The following ZSCAN32 variants were observed in gnomAD, a reference collection of about 807,000 sequenced individuals.
ZSCAN32 encodes zinc finger and SCAN domain-containing protein 32.
A neutral mutation model predicts 47.4 loss-of-function variants in ZSCAN32; 52 were observed. That is an observed-to-expected ratio of 1.10 (90% confidence interval 0.88 to 1.38). The LOEUF (loss-of-function observed/expected upper bound fraction) is 1.38. ZSCAN32 is among the 40% of genes most tolerant of loss of function. ZSCAN32 has a pLI of 0.00. For missense variants in ZSCAN32, 959 were observed against 846.0 expected (o/e 1.13, Z -1.66); for synonymous variants, 346 against 305.7 (o/e 1.13, Z -1.38).
intron 2 of ZSCAN32, 33 bp downstream of exon 2, chr16:3,397,159 C>G (rs1276454227): frequency 6.8e-7 from 1 of 1,479,358 alleles, no homozygotes; most frequent in East Asian, 2.5e-5. Context: ...ACTTCATAAC[C>G]AAAACCACAA....
At position 3,383,177 on chromosome 16, in the gene ZSCAN32, G is replaced by C; in HGVS notation, c.1769C>G (p.Ser590Cys). ...GQCGKSFNQSSSLIVHQRTHT... is the reference protein window; with the variant it reads ...GQCGKSFNQSCSLIVHQRTHT... ...GGTCCTCTGGTGGACAATGAGGCTG[G>C]AACTCTGGTTGAAGCTTTTCCCACA... is the stretch of plus-strand genomic sequence containing the variant. The change falls in exon 7 of 7, where the codon TCC becomes TGC. Residue 590 changes from serine (S) to cysteine (C), a missense_variant. By Grantham distance (112) the Ser-to-Cys change is moderately radical. Transcript: ENST00000396852. The C allele has an allele frequency of 6.2e-7, 1 of 1,614,154 alleles. No homozygotes were observed. The highest frequency in any genetic ancestry group is 1.6e-4 in the Middle Eastern group (1 of 6,062).
In ZSCAN32 at chr16:3,384,886, A is replaced by T. The variant is rs150775538; in HGVS notation, c.807T>A (p.Ser269Arg). Residue 269 changes from serine to arginine, a missense_variant, in exon 6 of 7, where the codon AGT becomes AGA. Coordinates refer to ENST00000396852, the MANE Select transcript of ZSCAN32 (RefSeq NM_001284527.2). ...EETKTLLAIL[S>R]SSQFYGKLQT... is the part of the protein sequence containing the mutation. ...GGAGTTTTCCATAAAATTGAGAACTACTAAGAATAGCCAGGAGCGTCTTGG... is the reference window on the plus strand; with the variant it reads ...GGAGTTTTCCATAAAATTGAGAACTTCTAAGAATAGCCAGGAGCGTCTTGG... 3.6e-4 allele frequency: 583 copies of T among 1,614,198 alleles called. No homozygotes were observed. The highest frequency in any genetic ancestry group is 4.7e-4 in the Non-Finnish European group (551 of 1,180,036).
In ZSCAN32 at chr16:3,397,239, C is replaced by T; in HGVS notation, c.319G>A (p.Glu107Lys). The change falls in exon 2 of 7, where the codon GAA becomes AAA. Residue 107 changes from glutamate (E) to lysine (K), a missense_variant. Glu to Lys is a moderately conservative substitution (Grantham distance 56). Transcript: ENST00000396852. ...ACATCCTCAACCAGAGCCACAGCTT[C>T]CTCGCCGTTTTCTGGATGCTGCTCC... ...VREQHPENGE[E>K]AVALVEDVQR... 6.4e-7 allele frequency: 1 copy of T among 1,560,240 alleles called. No individual in the cohort carries two copies. Among genetic ancestry groups the T allele is most frequent in the Non-Finnish European group, 8.7e-7 (1 of 1,152,328 alleles).
chr16:3,383,175 T>C lies in ZSCAN32; in HGVS notation c.1771A>G (p.Ser591Gly). ...TGGGTCCTCTGGTGGACAATGAGGCTGGAACTCTGGTTGAAGCTTTTCCCA... is the reference window on the plus strand; with the variant it reads ...TGGGTCCTCTGGTGGACAATGAGGCCGGAACTCTGGTTGAAGCTTTTCCCA... ...QCGKSFNQSS[S>G]LIVHQRTHTG... Residue 591 changes from serine to glycine, a missense_variant, in exon 7 of 7, where the codon AGC becomes GGC. Ser to Gly is a moderately conservative substitution (Grantham distance 56, BLOSUM62 0). Coordinates refer to ENST00000396852, the MANE Select transcript of ZSCAN32 (RefSeq NM_001284527.2). 1.9e-6 allele frequency: 3 copies of C among 1,614,170 alleles called. No homozygotes were observed. Among genetic ancestry groups the C allele is most frequent in the Non-Finnish European group, 2.5e-6 (3 of 1,180,024 alleles).
Position 3,382,544 on chromosome 16 carries a change from C to T in ZSCAN32, c.*308G>A, listed in dbSNP as rs2031342673. 4.2e-6 allele frequency: 1 copy of T among 236,792 alleles called. No homozygotes were observed. The highest frequency in any genetic ancestry group is 8.1e-6 in the Non-Finnish European group (1 of 122,836). 14.7% of individuals were successfully genotyped at this position (236,792 alleles called of 1,614,324 possible). A position where few individuals can be genotyped will look rare whatever the true frequency, so the allele number is the denominator to read the frequency against. ...GGACTATGTTAGCCCAGAAAGTGTTCTTGGACCACTGGGTGCCCATTCTCA... is the reference window on the plus strand; with the variant it reads ...GGACTATGTTAGCCCAGAAAGTGTTTTTGGACCACTGGGTGCCCATTCTCA... On this transcript the variant is annotated 3_prime_UTR_variant, in exon 7 of 7. Coordinates refer to ENST00000396852, the MANE Select transcript of ZSCAN32 (RefSeq NM_001284527.2).
rs1280882383 is a variant in ZSCAN32, at chr16:3,397,691, C to G, written c.-134G>C. On this transcript the variant is annotated 5_prime_UTR_variant, in exon 2 of 7. Transcript: ENST00000396852. Reference sequence around the variant, plus strand: ...TGTAATCCGTGGGACATGAGAGTGTCAGACATGTGTAGAGACTCACAGCGG... The same window carrying G: ...TGTAATCCGTGGGACATGAGAGTGTGAGACATGTGTAGAGACTCACAGCGG... 8 of 1,222,820 alleles carry G rather than the reference C, an allele frequency of 6.5e-6. No individual in the cohort carries two copies. The highest frequency in any genetic ancestry group is 8.8e-6 in the Non-Finnish European group (8 of 905,864). The allele number at this position is 1,222,820 out of a possible 1,614,324, so 75.7% of individuals were successfully genotyped here. A position where few individuals can be genotyped will look rare whatever the true frequency, so the allele number is the denominator to read the frequency against.
chr16:3,389,929 C>A, intron 5 of ZSCAN32, 81 bp downstream of exon 5: 2 of 1,406,608 alleles, frequency 1.4e-6, no homozygotes, highest in African/African-American at 2.9e-5. Context: ...CTCCCTCTGT[C>A]TCCCTCCCTC....
At chr16:3,385,614 G>C (rs1348371019) in intron 5 of ZSCAN32, among the ~76,000 whole-genome samples, 3 of 152,252 alleles carry the variant, frequency 2.0e-5, no homozygotes, top group Non-Finnish European at 4.4e-5. Context: ...CAATGGAACA[G>C]CACAGAGCCC....
At chr16:3,383,821 A>T in intron 6 of ZSCAN32, 110 bp from the exon 7 acceptor site, 1 of 1,176,104 alleles carries the variant, frequency 8.5e-7, no homozygotes. Flanking sequence ...GAAATTCTTC[A>T]TGTGATTAAG....
intron 5 of ZSCAN32, among the ~76,000 whole-genome samples, chr16:3,388,161 C>CA (rs1286251257): frequency 6.6e-6 from 1 of 152,240 alleles, no homozygotes; most frequent in Non-Finnish European, 1.5e-5. Context: ...TGCTCCCTCT[C>CA]AGTCTCAGCT....
At chr16:3,389,591 T>G (rs2032423281) in intron 5 of ZSCAN32, among the ~76,000 whole-genome samples, 1 of 152,156 alleles carries the variant, frequency 6.6e-6, no homozygotes, top group Non-Finnish European at 1.5e-5. Context: ...CATAGTAGAC[T>G]GTCCTGGTTG....
chr16:3,388,743 ATGT>A (rs147474682), intron 5 of ZSCAN32, among the ~76,000 whole-genome samples: 6,578 of 152,284 alleles, frequency 0.043, 191 homozygotes, highest in Middle Eastern at 0.061. Context: ...AATAAGCCTA[ATGT>A]TGTAGCAGTT....
chr16:3,400,178 G>A (rs1401663437), intron 1 of ZSCAN32, among the ~76,000 whole-genome samples: 2 of 152,130 alleles, frequency 1.3e-5, no homozygotes, highest in African/African-American at 4.8e-5. Context: ...AACTTGAACT[G>A]CCTTCACTTA....
At chr16:3,396,298 T>G (rs1596233100) in intron 2 of ZSCAN32, among the ~76,000 whole-genome samples, 1 of 152,172 alleles carries the variant, frequency 6.6e-6, no homozygotes, top group East Asian at 1.9e-4. Flanking sequence ...CTCTCTAAAT[T>G]AAGTCAAAAG....
rs1192931454 is a variant in ZSCAN32 at position 3,383,317 on chromosome 16, G to A, written c.1629C>T (p.His543=). The change falls in exon 7 of 7, where the codon CAC becomes CAT. Residue 543 remains histidine, a synonymous_variant. Transcript: ENST00000396852. ...SSYLVRHQRI[H]TGEKPHKCSE... is the part of the protein sequence containing the mutation. Reference sequence around the variant, plus strand: ...TGCACTTGTGAGGCTTCTCGCCTGTGTGGATTCTTTGATGCCGAACAAGAT... The same window carrying A: ...TGCACTTGTGAGGCTTCTCGCCTGTATGGATTCTTTGATGCCGAACAAGAT... The A allele has an allele frequency of 1.2e-5, 19 of 1,614,090 alleles. No individual in the cohort carries two copies. The highest frequency in any genetic ancestry group is 1.6e-5 in the Non-Finnish European group (19 of 1,180,044).
chr16:3,387,538 C>A (rs181340411), intron 5 of ZSCAN32, among the ~76,000 whole-genome samples: 4 of 152,360 alleles, frequency 2.6e-5, no homozygotes, highest in African/African-American at 9.6e-5. Context: ...TTCATGAGGA[C>A]CGATTTGACT....
rs375654419 is a variant in ZSCAN32 at position 3,394,195 on chromosome 16, G to A, written c.367-381C>T. Among the ~76,000 whole-genome samples the A allele has an allele frequency of 2.6e-5, 4 of 152,152 alleles. No individual in the cohort carries two copies. The East Asian group carries it at 5.8e-4, about 22-fold the overall frequency. ...GCAGGAGAATCACTTGAACCCAGGA[G>A]GCGGAGGTTGCAGTGATCCAAGATC... On this transcript the variant is annotated intron_variant, in intron 2 of 6. Coordinates refer to ENST00000396852, the MANE Select transcript of ZSCAN32 (RefSeq NM_001284527.2).
Position 3,397,693 on chromosome 16 carries a change from G to A in ZSCAN32, c.-136C>T. The A allele has an allele frequency of 8.4e-7, 1 of 1,186,028 alleles. No homozygotes were observed. The highest frequency in any genetic ancestry group is 1.1e-6 in the Non-Finnish European group (1 of 873,728). 73.5% of individuals were successfully genotyped at this position (1,186,028 alleles called of 1,614,324 possible). A position where few individuals can be genotyped will look rare whatever the true frequency, so the allele number is the denominator to read the frequency against. The stretch of plus-strand genomic sequence containing the variant: ...TAATCCGTGGGACATGAGAGTGTCA[G>A]ACATGTGTAGAGACTCACAGCGGAA... On this transcript the variant is annotated 5_prime_UTR_variant, in exon 2 of 7. Coordinates refer to ENST00000396852, the MANE Select transcript of ZSCAN32 (RefSeq NM_001284527.2).
At position 3,384,932 on chromosome 16, in the gene ZSCAN32, A is replaced by G. The variant is rs1434395702; in HGVS notation, c.761T>C (p.Val254Ala). The G allele has an allele frequency of 1.2e-6, 2 of 1,611,646 alleles. No homozygotes were observed. Among genetic ancestry groups the G allele is most frequent in the Admixed American group, 3.3e-5 (2 of 59,720 alleles). The change falls in exon 6 of 7, where the codon GTG (valine) becomes GCG (alanine). Residue 254 changes from valine to alanine, a missense_variant. Val to Ala is a moderately conservative substitution (Grantham distance 64). Coordinates refer to ENST00000396852, the MANE Select transcript of ZSCAN32 (RefSeq NM_001284527.2). Reference protein sequence around the residue: ...KDSHVSLATGVPWGYEETKTL... With the variant: ...KDSHVSLATGAPWGYEETKTL... Reference sequence around the variant, plus strand: ...CTTGGTCTCTTCATAGCCCCAGGGCACACCTGTTGCTGGGGGACAAAGAAT... The same window carrying G: ...CTTGGTCTCTTCATAGCCCCAGGGCGCACCTGTTGCTGGGGGACAAAGAAT...
Sources: allele counts gnomAD v4.1 joint callset (sites outside exome capture counted in the v4.1 genomes callset), GRCh38; gene constraint gnomAD v4.1.1; transcripts MANE v1.5; gene names NCBI Gene and HGNC (gene_info 2026-07-23, HGNC 2026-07-21).